The following USP43 variants were observed in gnomAD, a reference collection of about 807,000 sequenced individuals.
USP43 encodes ubiquitin specific peptidase 43.
USP43 carries 33 observed loss-of-function variants against 90.7 expected under a neutral mutation model. That is an observed-to-expected ratio of 0.36 (90% CI 0.28 to 0.49). USP43 has a LOEUF of 0.49. Among genes scored for constraint, USP43 ranks in the 20% least tolerant of loss-of-function variants. The pLI, the probability that USP43 is intolerant of heterozygous loss-of-function variation, is 0.98. For missense variants in USP43, 1,274 were observed against 1,476.4 expected (o/e 0.86, Z 2.25); for synonymous variants, 598 against 615.8 (o/e 0.97, Z 0.43).
At chr17:9,693,447 G>A (rs1915081875) in intron 9 of USP43, among the ~76,000 whole-genome samples, 2 of 152,078 alleles carry the variant, frequency 1.3e-5, no homozygotes, top group South Asian at 4.2e-4. Context: ...AAAGATGGGG[G>A]GGACACCAAC....
At chr17:9,668,298 A>G (rs751689984) in intron 3 of USP43, among the ~76,000 whole-genome samples, 3 of 152,196 alleles carry the variant, frequency 2.0e-5, no homozygotes, top group Non-Finnish European at 4.4e-5. Flanking sequence ...TCAGTCTTCT[A>G]GAATTTCCTT....
chr17:9,726,657 C>A (rs1021602087), intron 14 of USP43, among the ~76,000 whole-genome samples: 2 of 152,188 alleles, frequency 1.3e-5, no homozygotes, highest in African/African-American at 4.8e-5. Context: ...AGCATCACCC[C>A]CTTAAACCAT....
At chr17:9,652,355 CT>C (rs1044667715) in intron 1 of USP43, among the ~76,000 whole-genome samples, 160 of 144,924 alleles carry the variant, frequency 1.1e-3, no homozygotes, top group African/African-American at 1.9e-3. Flanking sequence ...CATAGACTTT[CT>C]TTTTTTTTTT....
At position 9,686,588 on chromosome 17, in the gene USP43, G is replaced by T. The variant is rs1256577012; in HGVS notation, c.1242-210G>T. Among the ~76,000 whole-genome samples, 1 of 152,114 alleles carries T rather than the reference G, an allele frequency of 6.6e-6. No homozygotes were observed. The highest frequency in any genetic ancestry group is 6.5e-5 in the Admixed American group (1 of 15,276). ...TGGGCATTTTTTCATATGCCTGTTGGCTACGTGTGTCATTTTGAGAAATGT... is the reference window on the plus strand; with the variant it reads ...TGGGCATTTTTTCATATGCCTGTTGTCTACGTGTGTCATTTTGAGAAATGT... On this transcript the variant is annotated intron_variant, in intron 7 of 14. Transcript: ENST00000285199. This position sits in a 1 kb window ranked among gnomAD's most constrained non-coding sequence, Gnocchi z 5.5.
intron 1 of USP43, among the ~76,000 whole-genome samples, chr17:9,652,894 TTCTA>T (rs1340214114): frequency 4.6e-5 from 7 of 152,244 alleles, no homozygotes; most frequent in African/African-American, 1.7e-4. Flanking sequence ...TCTTTTATTT[TTCTA>T]TCTATAAATA....
chr17:9,693,358 C>T, intron 9 of USP43, 128 bp downstream of exon 9: 1 of 759,622 alleles, frequency 1.3e-6, no homozygotes, highest in Non-Finnish European at 2.2e-6. Flanking sequence ...CTCTCCAGTA[C>T]CAGCCGCTAT....
At position 9,729,109 on chromosome 17, in the gene USP43, A is replaced by G; in HGVS notation, c.*119A>G. 8.7e-7 allele frequency: 1 copy of G among 1,152,886 alleles called. No individual in the cohort carries two copies. The highest frequency in any genetic ancestry group is 1.1e-6 in the Non-Finnish European group (1 of 872,410). The allele number at this position is 1,152,886 out of a possible 1,614,324, so 71.4% of individuals were successfully genotyped here. A position where few individuals can be genotyped will look rare whatever the true frequency, so the allele number is the denominator to read the frequency against. On this transcript the variant is annotated 3_prime_UTR_variant, in exon 15 of 15. Coordinates refer to ENST00000285199, the MANE Select transcript of USP43 (RefSeq NM_153210.5). ...CGTTGTCTTGTAATCTCTAAAAAAA[A>G]ATTTTTTTTTTTTTGTGGTGGGGGG...
At chr17:9,678,425 C>T (rs367880212) in intron 5 of USP43, among the ~76,000 whole-genome samples, 4 of 152,128 alleles carry the variant, frequency 2.6e-5, no homozygotes, top group South Asian at 2.1e-4. Context: ...GGCACGATCT[C>T]GGCTCACTGC....
At chr17:9,715,520 C>T (rs935746720) in intron 14 of USP43, among the ~76,000 whole-genome samples, 21 of 151,574 alleles carry the variant, frequency 1.4e-4, no homozygotes, top group Non-Finnish European at 2.4e-4. Context: ...GTGTTTGTGC[C>T]TGTGTGTATG....
chr17:9,654,691 A>C (rs562601414), intron 1 of USP43, among the ~76,000 whole-genome samples: 1 of 151,636 alleles, frequency 6.6e-6, no homozygotes, highest in South Asian at 2.1e-4. Flanking sequence ...ATTTCAGTTA[A>C]TTAAATCTTG....
intron 14 of USP43, among the ~76,000 whole-genome samples, chr17:9,720,321 C>CAAAAAA (rs980644442): frequency 1.1e-4 from 5 of 43,728 alleles, no homozygotes; most frequent in African/African-American, 2.9e-4. Flanking sequence ...GACTCCATCT[C>CAAAAAA]AAAAAAAAAA....
At chr17:9,717,158 C>CAA (rs34421871) in intron 14 of USP43, among the ~76,000 whole-genome samples, 93 of 81,780 alleles carry the variant, frequency 1.1e-3, no homozygotes, top group Middle Eastern at 7.6e-3. Context: ...GACTCCCTCT[C>CAA]AAAAAAAAAA....
intron 1 of USP43, 94 bp downstream of exon 1, chr17:9,646,230 C>T (rs1330730249): frequency 7.4e-7 from 1 of 1,344,026 alleles, no homozygotes; most frequent in Non-Finnish European, 9.5e-7. Context: ...TTGGGGCCTT[C>T]TTTAAATGCC....
intron 3 of USP43, 51 bp downstream of exon 3, chr17:9,666,802 A>C (rs1455169393): frequency 1.7e-5 from 24 of 1,421,092 alleles, no homozygotes; most frequent in Non-Finnish European, 2.3e-5. Context: ...CCGCAGACTC[A>C]ATTCCTGGTA....
intron 10 of USP43, 21 bp downstream of exon 10, chr17:9,700,270 C>G (rs1252837346): frequency 6.3e-7 from 1 of 1,577,428 alleles, no homozygotes; most frequent in Non-Finnish European, 8.6e-7. Context: ...GGGAATTTGC[C>G]ACCTGCAGAG....
At position 9,662,647 on chromosome 17, in the gene USP43, C is replaced by T. The variant is rs1432394725; in HGVS notation, c.637-4001C>T. Among the ~76,000 whole-genome samples the T allele has an allele frequency of 5.3e-5, 8 of 152,138 alleles. No individual in the cohort carries two copies. In the East Asian group the frequency reaches 1.3e-3, roughly 26 times the overall value. ...CCTAATCTGTGTCCTAACCTCCAAA[C>T]TTATGCTTCTTCATCTGGGAGTCAG... is the stretch of plus-strand genomic sequence containing the variant. On this transcript the variant is annotated intron_variant, in intron 2 of 14. Transcript: ENST00000285199.
At chr17:9,654,383 C>T (rs940467076) in intron 1 of USP43, among the ~76,000 whole-genome samples, 3 of 151,998 alleles carry the variant, frequency 2.0e-5, no homozygotes, top group South Asian at 2.1e-4. Flanking sequence ...ATGTGATTGA[C>T]GTAAAGACTC....
chr17:9,651,891 G>A (rs1021352428), intron 1 of USP43, among the ~76,000 whole-genome samples: 1 of 152,066 alleles, frequency 6.6e-6, no homozygotes, highest in African/African-American at 2.4e-5. Context: ...CTTTATTACT[G>A]TCATTCATGA....
At chr17:9,680,948 A>G (rs9901896) in intron 6 of USP43, among the ~76,000 whole-genome samples, 4,939 of 147,064 alleles carry the variant, frequency 0.034, 242 homozygotes, top group African/African-American at 0.1. Context: ...TTATTTGTAG[A>G]TCAGGATACA....
Sources: allele counts gnomAD v4.1 joint callset (sites outside exome capture counted in the v4.1 genomes callset), GRCh38; gene constraint gnomAD v4.1.1; non-coding constraint Gnocchi (gnomAD v3.1); transcripts MANE v1.5; gene names NCBI Gene and HGNC (gene_info 2026-07-23, HGNC 2026-07-21).